PCDH9: variants seen among roughly 807,000 people sequenced by gnomAD.
PCDH9 encodes the protein protocadherin-9.
A neutral mutation model predicts 70.6 loss-of-function variants in PCDH9; 24 were observed. The ratio of observed to expected loss-of-function variants is 0.34; its 90% CI spans 0.25 to 0.48. The LOEUF (loss-of-function observed/expected upper bound fraction) is 0.48. Among genes scored for constraint, PCDH9 ranks in the 20% least tolerant of loss-of-function variants. PCDH9 has a pLI of 0.99. For synonymous variants in PCDH9, 562 were observed against 558.5 expected (o/e 1.01, Z -0.09); for missense variants, 1,281 against 1,503.6 (o/e 0.85, Z 2.45).
chr13:66,463,395 C>T (rs1290896334), intron 4 of PCDH9, among the ~76,000 whole-genome samples: 2 of 151,756 alleles, frequency 1.3e-5, no homozygotes, highest in African/African-American at 4.8e-5. Flanking sequence ...GTTCTTTCTT[C>T]TCCAATTGTG....
At chr13:67,138,228 T>A (rs1427671654) in intron 2 of PCDH9, among the ~76,000 whole-genome samples, 2 of 152,148 alleles carry the variant, frequency 1.3e-5, no homozygotes, top group Admixed American at 6.6e-5. Flanking sequence ...AAAGAACACA[T>A]CCCCATTTCA....
At chr13:66,566,541 G>A (rs2076654953) in intron 4 of PCDH9, among the ~76,000 whole-genome samples, 1 of 152,114 alleles carries the variant, frequency 6.6e-6, no homozygotes, top group Non-Finnish European at 1.5e-5. Flanking sequence ...CAGTGTAAAG[G>A]TAAGAGAGTT....
At chr13:66,871,397 A>T (rs1030377000) in intron 3 of PCDH9, among the ~76,000 whole-genome samples, 11 of 143,754 alleles carry the variant, frequency 7.7e-5, no homozygotes, top group South Asian at 2.2e-4. Context: ...ATAATAATAA[A>T]AAATAAAAAT....
chr13:66,621,990 G>A (rs2077427447), intron 4 of PCDH9, among the ~76,000 whole-genome samples: 4 of 152,240 alleles, frequency 2.6e-5, no homozygotes, highest in Admixed American at 2.6e-4. Flanking sequence ...TGGGGCTTGC[G>A]GGCCAGCTGG....
In PCDH9 at chr13:66,363,439, C is replaced by T. The variant is rs538504796; in HGVS notation, c.3341-58411G>A. On this transcript the variant is annotated intron_variant, in intron 4 of 4. Transcript: ENST00000377865. ...GAAATGATTTGAGAACTATACGTAT[C>T]GGATTCAATGAAAATGAAAAAATGA... is the stretch of plus-strand genomic sequence containing the variant. Among the ~76,000 whole-genome samples, 5 of 151,954 alleles carry T rather than the reference C, an allele frequency of 3.3e-5. No individual in the cohort carries two copies. The South Asian group carries it at 6.2e-4, about 19-fold the overall frequency.
In PCDH9 at chr13:66,638,161, T is replaced by C. The variant is rs181702654; in HGVS notation, c.3139-6750A>G. Among the ~76,000 whole-genome samples, 560 of 152,248 alleles carry C rather than the reference T, an allele frequency of 3.7e-3. 1 individual carries two copies. The highest frequency in any genetic ancestry group is 5.8e-3 in the Non-Finnish European group (395 of 68,020). On this transcript the variant is annotated intron_variant, in intron 3 of 4. Transcript: ENST00000377865. ...ATACTACAATGGTGAACAAGACAAA[T>C]ACTATATTCCACAACTTCCTAAATA...
chr13:66,533,112 G>C (rs1290434506), intron 4 of PCDH9, among the ~76,000 whole-genome samples: 1 of 152,142 alleles, frequency 6.6e-6, no homozygotes, highest in Non-Finnish European at 1.5e-5. Context: ...CTTCTGGGCT[G>C]ACGTTATTTC....
At chr13:66,362,589 A>T (rs997280790) in intron 4 of PCDH9, among the ~76,000 whole-genome samples, 1 of 152,110 alleles carries the variant, frequency 6.6e-6, no homozygotes, top group African/African-American at 2.4e-5. Flanking sequence ...TGATAAAATG[A>T]TTACTCTCTG....
At chr13:66,676,802 G>A (rs2078249455) in intron 3 of PCDH9, among the ~76,000 whole-genome samples, 1 of 152,046 alleles carries the variant, frequency 6.6e-6, no homozygotes, top group African/African-American at 2.4e-5. Context: ...GTTTTAGAGT[G>A]CAGATCATGT....
chr13:66,491,017 T>C (rs963344153), intron 4 of PCDH9, among the ~76,000 whole-genome samples: 1 of 152,208 alleles, frequency 6.6e-6, no homozygotes, highest in East Asian at 1.9e-4. Flanking sequence ...AGATATACTC[T>C]CACTTTGATT....
At chr13:67,002,169 G>A (rs149857742) in intron 2 of PCDH9, among the ~76,000 whole-genome samples, 1 of 152,008 alleles carries the variant, frequency 6.6e-6, no homozygotes, top group Non-Finnish European at 1.5e-5. Flanking sequence ...ACCATTAATT[G>A]TTAAAATATA....
At chr13:66,982,177 C>T (rs1011912800) in intron 2 of PCDH9, among the ~76,000 whole-genome samples, 2 of 152,242 alleles carry the variant, frequency 1.3e-5, no homozygotes, top group African/African-American at 4.8e-5. Flanking sequence ...CCGGCTTCGC[C>T]TTCCACCGTG....
At chr13:66,940,141 C>T (rs1425852761) in intron 2 of PCDH9, among the ~76,000 whole-genome samples, 1 of 152,014 alleles carries the variant, frequency 6.6e-6, no homozygotes, top group East Asian at 1.9e-4. Context: ...TTAAATGCTT[C>T]GTATAGAAGC....
intron 2 of PCDH9, among the ~76,000 whole-genome samples, chr13:66,978,878 A>G (rs1022369385): frequency 3.3e-5 from 5 of 151,138 alleles, no homozygotes; most frequent in Non-Finnish European, 5.9e-5. Flanking sequence ...ATATGTATGA[A>G]GTTATTAAGG....
chr13:66,313,404 A>G (rs1955597554), intron 4 of PCDH9, among the ~76,000 whole-genome samples: 1 of 152,222 alleles, frequency 6.6e-6, no homozygotes, highest in Non-Finnish European at 1.5e-5. Flanking sequence ...CAAACTTGGT[A>G]AATCTAATTT....
intron 4 of PCDH9, among the ~76,000 whole-genome samples, chr13:66,581,775 C>G (rs2076895282): frequency 6.6e-6 from 1 of 152,100 alleles, no homozygotes; most frequent in South Asian, 2.1e-4. Flanking sequence ...CCATTTCTTT[C>G]TTCAGTTTCT....
chr13:66,624,791 A>G (rs2077476765), intron 4 of PCDH9, among the ~76,000 whole-genome samples: 1 of 152,238 alleles, frequency 6.6e-6, no homozygotes, highest in Admixed American at 6.5e-5. Context: ...ACATCCATCC[A>G]TACTTGTGTA....
intron 2 of PCDH9, among the ~76,000 whole-genome samples, chr13:67,006,354 A>T (rs2084355416): frequency 6.6e-6 from 1 of 152,210 alleles, no homozygotes; most frequent in Non-Finnish European, 1.5e-5. Flanking sequence ...AAAATACAAA[A>T]CCGGAATAGA....
At chr13:66,972,867 G>A (rs186399441) in intron 2 of PCDH9, among the ~76,000 whole-genome samples, 158 of 152,098 alleles carry the variant, frequency 1.0e-3, no homozygotes, top group Admixed American at 2.3e-3. Context: ...TTAAAATAAT[G>A]AAATAAGATA....
Sources: allele counts gnomAD v4.1 joint callset (sites outside exome capture counted in the v4.1 genomes callset), GRCh38; gene constraint gnomAD v4.1.1; transcripts MANE v1.5; gene names NCBI Gene and HGNC (gene_info 2026-07-23, HGNC 2026-07-21).